PHACTR1: variants seen among roughly 807,000 people sequenced by gnomAD.
PHACTR1 encodes phosphatase and actin regulator 1.
In PHACTR1, 16 loss-of-function variants were observed where a neutral mutation model predicts 69.2. The observed-to-expected ratio is 0.23, with a 90% CI of 0.16 to 0.35. The LOEUF is 0.35. Among genes scored for constraint, PHACTR1 ranks in the 10% least tolerant of loss-of-function variants. PHACTR1 has a pLI of 1.00. For missense variants in PHACTR1, 510 were observed against 734.7 expected (o/e 0.69, Z 3.54); for synonymous variants, 312 against 284.5 (o/e 1.10, Z -0.97).
intron 5 of PHACTR1, among the ~76,000 whole-genome samples, chr6:13,132,871 A>G (rs1370721487): frequency 6.6e-6 from 1 of 152,106 alleles, no homozygotes; most frequent in African/African-American, 2.4e-5. Flanking sequence ...AATTTCTTGA[A>G]ATAAGACAAC....
intron 5 of PHACTR1, among the ~76,000 whole-genome samples, chr6:13,141,208 C>T (rs953617541): frequency 1.9e-4 from 29 of 152,292 alleles, no homozygotes; most frequent in African/African-American, 5.5e-4. Context: ...CTAACTCCAG[C>T]CAAGATTGTA....
chr6:13,217,612 C>T (rs1169528615), intron 8 of PHACTR1, among the ~76,000 whole-genome samples: 1 of 151,544 alleles, frequency 6.6e-6, no homozygotes, highest in African/African-American at 2.4e-5. Context: ...AATCCATTAC[C>T]ACTGCTGAAA....
At chr6:13,062,620 C>G (rs1807842982) in intron 5 of PHACTR1, among the ~76,000 whole-genome samples, 1 of 152,176 alleles carries the variant, frequency 6.6e-6, no homozygotes, top group Non-Finnish European at 1.5e-5. Context: ...AAGAGTCTGT[C>G]CCTGGTGTCC....
chr6:12,723,492 T>C (rs561621516), intron 3 of PHACTR1, among the ~76,000 whole-genome samples: 23 of 117,872 alleles, frequency 2.0e-4, no homozygotes, highest in Admixed American at 4.5e-4. Flanking sequence ...CCTTTTCTTT[T>C]TTTTTTTTTT....
At chr6:12,817,638 A>G (rs1474129097) in intron 4 of PHACTR1, among the ~76,000 whole-genome samples, 4 of 152,182 alleles carry the variant, frequency 2.6e-5, no homozygotes, top group Non-Finnish European at 5.9e-5. Context: ...TTTATTACTG[A>G]TACAGCCTCC....
chr6:12,972,120 C>G (rs1794287094), intron 4 of PHACTR1, among the ~76,000 whole-genome samples: 1 of 152,182 alleles, frequency 6.6e-6, no homozygotes, highest in Non-Finnish European at 1.5e-5. Context: ...GTTTGTGATT[C>G]TATTGGATGT....
At chr6:13,214,530 G>A (rs1767379512) in intron 8 of PHACTR1, among the ~76,000 whole-genome samples, 1 of 152,220 alleles carries the variant, frequency 6.6e-6, no homozygotes, top group Non-Finnish European at 1.5e-5. Context: ...AGGTAGGGAT[G>A]CTAAGATCGC....
intron 4 of PHACTR1, among the ~76,000 whole-genome samples, chr6:12,915,304 C>T (rs963245052): frequency 3.3e-5 from 5 of 151,946 alleles, no homozygotes; most frequent in Admixed American, 2.0e-4. Flanking sequence ...CTCAGGAGTT[C>T]GAGATTAGCC....
intron 5 of PHACTR1, among the ~76,000 whole-genome samples, chr6:13,083,143 A>G (rs1273522798): frequency 6.6e-6 from 1 of 152,228 alleles, no homozygotes; most frequent in Non-Finnish European, 1.5e-5. Context: ...GAAGGGATCC[A>G]GTTTCAGCTT....
In PHACTR1 at chr6:12,945,824, C is replaced by T. The variant is rs1316952203; in HGVS notation, c.251-107541C>T. Among the ~76,000 whole-genome samples, 8 of 151,768 alleles carry T rather than the reference C, an allele frequency of 5.3e-5. No individual in the cohort carries two copies. In the South Asian group the frequency reaches 1.3e-3, roughly 24 times the overall value. ...ACTAAAAATACAAAAATTACCCAGG[C>T]GTAGTGGTGGGTGCCTGGAGTCCCA... On this transcript the variant is annotated intron_variant, in intron 4 of 14. Transcript: ENST00000332995.
At chr6:12,931,819 T>C (rs1562024359) in intron 4 of PHACTR1, among the ~76,000 whole-genome samples, 1 of 151,774 alleles carries the variant, frequency 6.6e-6, no homozygotes, top group African/African-American at 2.4e-5. Flanking sequence ...TGCATTTCAA[T>C]TGTGGTCTCA....
chr6:13,139,594 C>T (rs1822109881), intron 5 of PHACTR1, among the ~76,000 whole-genome samples: 1 of 152,164 alleles, frequency 6.6e-6, no homozygotes, highest in Non-Finnish European at 1.5e-5. Flanking sequence ...CCCAGTGAAG[C>T]TTCAAAGACA....
chr6:12,788,696 G>C (rs1771854233), intron 4 of PHACTR1, among the ~76,000 whole-genome samples: 2 of 152,178 alleles, frequency 1.3e-5, no homozygotes, highest in South Asian at 4.1e-4. Flanking sequence ...TGCCCATTGT[G>C]CCCAGAATAT....
Position 13,110,052 on chromosome 6 carries a change from T to C in PHACTR1, c.416-50152T>C, listed in dbSNP as rs200784824. 2.6e-5 allele frequency among the ~76,000 whole-genome samples: 4 copies of C among 152,190 alleles called. No homozygotes were observed. The East Asian group carries it at 7.7e-4, about 29-fold the overall frequency. ...TCTCTCAGTTTCTCTTATGTTCATA[T>C]TTTAAATCCTTGGGCATAAATAAAA... On this transcript the variant is annotated intron_variant, in intron 5 of 14. Coordinates refer to ENST00000332995, the MANE Select transcript of PHACTR1 (RefSeq NM_030948.6).
intron 5 of PHACTR1, among the ~76,000 whole-genome samples, chr6:13,082,342 AC>A (rs900044770): frequency 2.0e-5 from 3 of 152,214 alleles, no homozygotes; most frequent in African/African-American, 7.2e-5. Context: ...GAAGGCAAAT[AC>A]CATTAGCCAA....
chr6:13,184,740 G>A (rs1471211584), intron 7 of PHACTR1: 2 of 1,301,292 alleles, frequency 1.5e-6, no homozygotes, highest in Non-Finnish European at 2.1e-6. Flanking sequence ...TTCCCCGCTG[G>A]CCCCGCCTGC....
chr6:12,813,114 G>A (rs959558471), intron 4 of PHACTR1, among the ~76,000 whole-genome samples: 16 of 151,988 alleles, frequency 1.1e-4, no homozygotes, highest in African/African-American at 3.9e-4. Flanking sequence ...TGGATCTTAG[G>A]TATTAAGGAT....
rs1324432534 is a variant in PHACTR1, at chr6:13,245,610, T to C, written c.1391+15417T>C. Among the ~76,000 whole-genome samples the C allele has an allele frequency of 6.6e-6, 1 of 152,230 alleles. No individual in the cohort carries two copies. Among genetic ancestry groups the C allele is most frequent in the Admixed American group, 6.5e-5 (1 of 15,282 alleles). On this transcript the variant is annotated intron_variant, in intron 10 of 14. Coordinates refer to ENST00000332995, the MANE Select transcript of PHACTR1 (RefSeq NM_030948.6). This position sits in a 1 kb window ranked among gnomAD's most constrained non-coding sequence, Gnocchi z 4.1. Reference sequence around the variant, plus strand: ...ATTTTCTCCCATTCTGTAGCTTGTCTGTTTACTCTGTTGACAGTTTCTTTT... The same window carrying C: ...ATTTTCTCCCATTCTGTAGCTTGTCCGTTTACTCTGTTGACAGTTTCTTTT...
intron 4 of PHACTR1, among the ~76,000 whole-genome samples, chr6:12,959,587 A>G (rs1792421966): frequency 6.6e-6 from 1 of 152,220 alleles, no homozygotes; most frequent in East Asian, 1.9e-4. Flanking sequence ...CACTGCTTAA[A>G]TAATTAATAT....
Sources: gnomAD v4.1 joint callset for allele counts (sites outside exome capture counted in the v4.1 genomes callset) on GRCh38, gnomAD v4.1.1 for gene constraint, Gnocchi (gnomAD v3.1) non-coding constraint, MANE v1.5 for transcripts, NCBI Gene and HGNC (gene_info 2026-07-23, HGNC 2026-07-21) for gene names.